Variants in NRBP2 observed in about 807,000 individuals in gnomAD.
NRBP2 encodes nuclear receptor binding protein 2.
NRBP2 carries 47 observed loss-of-function variants against 74.4 expected under a neutral mutation model. That is an observed-to-expected ratio of 0.63 (90% CI 0.50 to 0.81). The LOEUF (loss-of-function observed/expected upper bound fraction) is 0.81. Among genes scored for constraint, NRBP2 ranks in the 30% least tolerant of loss-of-function variants. NRBP2 has a pLI of 0.00. For synonymous variants in NRBP2, 312 were observed against 273.8 expected (o/e 1.14, Z -1.38); for missense variants, 613 against 690.1 (o/e 0.89, Z 1.25).
rs1554651534 is a variant in NRBP2, at chr8:143,835,917, CCCGCCGCCTGGGGTCACCGCCCG to C, written c.1381+27_1382-43del. The C allele has an allele frequency of 6.3e-7, 1 of 1,593,448 alleles. No individual in the cohort carries two copies. The highest frequency in any genetic ancestry group is 8.5e-7 in the Non-Finnish European group (1 of 1,174,550). On this transcript the variant is annotated intron_variant, in intron 16 of 17. Coordinates refer to ENST00000442628, the MANE Select transcript of NRBP2 (RefSeq NM_178564.4). The surrounding 1 kb of genome is among the most constrained non-coding windows in gnomAD (Gnocchi z 4.9). Reference sequence around the variant, plus strand: ...AGGCGAGGCATGAGGCCGCTGCCCACCCGCCGCCTGGGGTCACCGCCCGCCGCCCAAGTCCCCTGCCCAGCCTA... The same window carrying C: ...AGGCGAGGCATGAGGCCGCTGCCCACCCGCCCAAGTCCCCTGCCCAGCCTA...
rs1050967173 is a variant in NRBP2 at position 143,839,134 on chromosome 8, C to T, written c.605-34G>A. ...GGGCGCAGAGCTGAGCGGGCGGGGA[C>T]CTCTCCAGGACCCCGTCCCCCCAAA... On this transcript the variant is annotated intron_variant, in intron 7 of 17. Transcript: ENST00000442628. This position sits in a 1 kb window ranked among gnomAD's most constrained non-coding sequence, Gnocchi z 5.1. 1 of 1,512,354 alleles carries T rather than the reference C, an allele frequency of 6.6e-7. No homozygotes were observed. The highest frequency in any genetic ancestry group is 8.8e-7 in the Non-Finnish European group (1 of 1,132,488). 93.7% of individuals were successfully genotyped at this position (1,512,354 alleles called of 1,614,324 possible). A position where few individuals can be genotyped will look rare whatever the true frequency, so the allele number is the denominator to read the frequency against.
chr8:143,839,391 C>A lies in NRBP2; in HGVS notation c.503G>T (p.Ser168Ile). The change falls in exon 6 of 18, where the codon AGC becomes ATC. Residue 168 changes from serine to isoleucine, a missense_variant. By Grantham distance (142) the Ser-to-Ile change is moderately radical (BLOSUM62 -2). Transcript: ENST00000442628. This position sits in a 1 kb window ranked among gnomAD's most constrained non-coding sequence, Gnocchi z 5.1. ...LSALSFLHAC[S>I]PPIIHGNLTS... ...CAGGTTCCCGTGGATGATTGGGGGG[C>A]TGCAGGCGTGCAGGAAGCTGCAGAC... 1 of 1,581,854 alleles carries A rather than the reference C, an allele frequency of 6.3e-7. No homozygotes were observed. Among genetic ancestry groups the A allele is most frequent in the Non-Finnish European group, 8.5e-7 (1 of 1,171,578 alleles).
chr8:143,840,144 A>G lies in NRBP2; in HGVS notation c.215T>C (p.Leu72Pro). 6.5e-7 allele frequency: 1 copy of G among 1,536,110 alleles called. No individual in the cohort carries two copies. Residue 72 changes from leucine to proline, a missense_variant, in exon 2 of 18, where the codon CTC becomes CCC. Leu to Pro is a moderately conservative substitution (Grantham distance 98). Around this residue, in one of 2 missense-constraint regions of NRBP2, gnomAD observed 332 missense variants for 429.2 expected, o/e 0.77. Transcript: ENST00000442628. The surrounding 1 kb of genome is among the most constrained non-coding windows in gnomAD (Gnocchi z 5.7). ...GAAGGCCTTCCTGTCTCCGAAGTGGAGCTCGTTCCACACCACCTCTACCCC... is the reference window on the plus strand; with the variant it reads ...GAAGGCCTTCCTGTCTCCGAAGTGGGGCTCGTTCCACACCACCTCTACCCC... Reference protein sequence around the residue: ...EEGVEVVWNELHFGDRKAFAA... With the variant: ...EEGVEVVWNEPHFGDRKAFAA...
rs1368730887 is a variant in NRBP2, at chr8:143,839,538, G to A, written c.456C>T (p.Arg152=). ...GCGCAGACAGGATCTGCGTGCACCA[G>A]CGCTTCCAGGCCTGGCGGCGGACGC... The part of the protein sequence containing the change: ...HKAMNARAWK[R]WCTQILSALS... Residue 152 remains arginine (R), a synonymous_variant, in exon 5 of 18, where the codon CGC becomes CGT. Transcript: ENST00000442628. The surrounding 1 kb of genome is among the most constrained non-coding windows in gnomAD (Gnocchi z 5.1). The A allele has an allele frequency of 6.5e-7, 1 of 1,532,070 alleles. No homozygotes were observed. Among genetic ancestry groups the A allele is most frequent in the South Asian group, 1.2e-5 (1 of 83,884 alleles). The allele number at this position is 1,532,070 out of a possible 1,614,324, so 94.9% of individuals were successfully genotyped here.
At chr8:143,838,814 A>T in intron 9 of NRBP2, 39 bp from the exon 10 acceptor site, 1 of 1,611,690 alleles carries the variant, frequency 6.2e-7, no homozygotes, top group Non-Finnish European at 8.5e-7. Flanking sequence ...GGAAGGGACC[A>T]CACAGGTGAG....
chr8:143,837,847 T>G lies in NRBP2; in HGVS notation c.841-92A>C. 6.8e-7 allele frequency: 1 copy of G among 1,478,526 alleles called. No homozygotes were observed. The highest frequency in any genetic ancestry group is 9.2e-7 in the Non-Finnish European group (1 of 1,087,920). 91.6% of individuals were successfully genotyped at this position (1,478,526 alleles called of 1,614,324 possible). A position where few individuals can be genotyped will look rare whatever the true frequency, so the allele number is the denominator to read the frequency against. Reference sequence around the variant, plus strand: ...AGAGGTGGCCCCTGAGTTCCCCATGTCCCTCCTCAGGGACACACAGGACAT... The same window carrying G: ...AGAGGTGGCCCCTGAGTTCCCCATGGCCCTCCTCAGGGACACACAGGACAT... On this transcript the variant is annotated intron_variant, in intron 10 of 17. Transcript: ENST00000442628. The surrounding 1 kb of genome is among the most constrained non-coding windows in gnomAD (Gnocchi z 4.3).
chr8:143,837,493 A>G lies in NRBP2; in HGVS notation c.990T>C (p.Asn330=), dbSNP rs764114245. 12 of 1,610,628 alleles carry G rather than the reference A, an allele frequency of 7.5e-6. No individual in the cohort carries two copies. The highest frequency in any genetic ancestry group is 1.1e-5 in the South Asian group (1 of 90,148). Residue 330 remains asparagine (N), a synonymous_variant, in exon 12 of 18, where the codon AAT becomes AAC. Coordinates refer to ENST00000442628, the MANE Select transcript of NRBP2 (RefSeq NM_178564.4). This position sits in a 1 kb window ranked among gnomAD's most constrained non-coding sequence, Gnocchi z 4.3. ...TGGCCTTGGTCTTCTCCTCCACCAC[A>G]TTCTCAGGCATGAGGTCTGCGGCCA... ...FIQHQYLMPE[N]VVEEKTKAMD...
Position 143,839,536 on chromosome 8 carries a change from C to T in NRBP2, c.458G>A (p.Trp153Ter). The part of the protein sequence containing the change: ...KAMNARAWKR[W>*]CTQILSALSF... ...GAGCGCAGACAGGATCTGCGTGCAC[C>T]AGCGCTTCCAGGCCTGGCGGCGGAC... Residue 153 changes from tryptophan (W) to a stop codon, truncating the protein, a stop_gained, in exon 5 of 18, where the codon TGG becomes TAG. Coordinates refer to ENST00000442628, the MANE Select transcript of NRBP2 (RefSeq NM_178564.4). LOFTEE classifies it high-confidence loss of function. The surrounding 1 kb of genome is among the most constrained non-coding windows in gnomAD (Gnocchi z 5.1). 1 of 1,532,066 alleles carries T rather than the reference C, an allele frequency of 6.5e-7. No individual in the cohort carries two copies. Among genetic ancestry groups the T allele is most frequent in the Non-Finnish European group, 8.7e-7 (1 of 1,145,472 alleles). The allele number at this position is 1,532,066 out of a possible 1,614,324, so 94.9% of individuals were successfully genotyped here.
chr8:143,835,380 A>G lies in NRBP2; in HGVS notation c.*282T>C, dbSNP rs1818314122. 1.9e-6 allele frequency: 1 copy of G among 527,914 alleles called. No homozygotes were observed. Among genetic ancestry groups the G allele is most frequent in the Non-Finnish European group, 3.4e-6 (1 of 295,012 alleles). The allele number at this position is 527,914 out of a possible 1,614,324, so 32.7% of individuals were successfully genotyped here. On this transcript the variant is annotated 3_prime_UTR_variant, in exon 18 of 18. Coordinates refer to ENST00000442628, the MANE Select transcript of NRBP2 (RefSeq NM_178564.4). This position sits in a 1 kb window ranked among gnomAD's most constrained non-coding sequence, Gnocchi z 4.9. ...GTGGCCCCGGCCAGGCAGCCTGGGT[A>G]GGAACTCAGGGCGGAGAATGGAGGA...
Position 143,837,669 on chromosome 8 carries a change from C to T in NRBP2, c.927G>A (p.Val309=), listed in dbSNP as rs1554652306. 1.6e-5 allele frequency: 26 copies of T among 1,592,526 alleles called. No homozygotes were observed. The highest frequency in any genetic ancestry group is 2.2e-5 in the Non-Finnish European group (26 of 1,169,748). The change falls in exon 11 of 18, where the codon GTG becomes GTA. Residue 309 remains valine, a synonymous_variant. Transcript: ENST00000442628. The surrounding 1 kb of genome is among the most constrained non-coding windows in gnomAD (Gnocchi z 4.3). ...SLLFHRVLFE[V]HSLKLLAAHC... is the part of the protein sequence containing the mutation. ...GGGCTGCCAGGAGCTTCAGCGAGTG[C>T]ACCTCGAAGAGCACGCGGTGGAAGA...
chr8:143,840,295 C>A lies in NRBP2; in HGVS notation c.130-66G>T. On this transcript the variant is annotated intron_variant, in intron 1 of 17. Coordinates refer to ENST00000442628, the MANE Select transcript of NRBP2 (RefSeq NM_178564.4). The surrounding 1 kb of genome is among the most constrained non-coding windows in gnomAD (Gnocchi z 5.7). ...CAGGGTTGTGGGTGAGGATTTGGTC[C>A]CTGTCCACACCTTTCCAGTGGGCCC... is the stretch of plus-strand genomic sequence containing the variant. 1 of 1,519,090 alleles carries A rather than the reference C, an allele frequency of 6.6e-7. No homozygotes were observed. Among genetic ancestry groups the A allele is most frequent in the Non-Finnish European group, 8.8e-7 (1 of 1,136,070 alleles). The allele number at this position is 1,519,090 out of a possible 1,614,324, so 94.1% of individuals were successfully genotyped here. A position where few individuals can be genotyped will look rare whatever the true frequency, so the allele number is the denominator to read the frequency against.
rs782626919 is a variant in NRBP2, at chr8:143,839,509, C to T, written c.485G>A (p.Ser162Asn). The T allele has an allele frequency of 6.5e-7, 1 of 1,533,226 alleles. No homozygotes were observed. Among genetic ancestry groups the T allele is most frequent in the Admixed American group, 2.0e-5 (1 of 50,924 alleles). 95.0% of individuals were successfully genotyped at this position (1,533,226 alleles called of 1,614,324 possible). A position where few individuals can be genotyped will look rare whatever the true frequency, so the allele number is the denominator to read the frequency against. The stretch of plus-strand genomic sequence containing the variant: ...CGCCCAGGCCAGCCCAGGCCCTCAC[C>T]TGAGCGCAGACAGGATCTGCGTGCA... ...RWCTQILSAL[S>N]FLHACSPPII... is the part of the protein sequence containing the mutation. The change falls in exon 5 of 18, where the codon AGC (serine) becomes AAC (asparagine). Residue 162 changes from serine (S) to asparagine (N), a missense_variant and splice_region_variant. Transcript: ENST00000442628. The surrounding 1 kb of genome is among the most constrained non-coding windows in gnomAD (Gnocchi z 5.1).
At position 143,840,547 on chromosome 8, in the gene NRBP2, C is replaced by A. The variant is rs1033803257; in HGVS notation, c.129+159G>T. The A allele has an allele frequency of 3.9e-6, 3 of 777,426 alleles. No homozygotes were observed. Among genetic ancestry groups the A allele is most frequent in the Middle Eastern group, 3.9e-4 (1 of 2,576 alleles). 48.2% of individuals were successfully genotyped at this position (777,426 alleles called of 1,614,324 possible). On this transcript the variant is annotated intron_variant, in intron 1 of 17. Transcript: ENST00000442628. The surrounding 1 kb of genome is among the most constrained non-coding windows in gnomAD (Gnocchi z 5.7). ...AGGGAGTCCCAGGGCGAGCGCCAGG[C>A]CAAAGGGGTCCAGGGGTGGCTGATT...
downstream of NRBP2, among the ~76,000 whole-genome samples, chr8:143,831,896 C>T (rs1818177176): frequency 6.6e-6 from 1 of 152,186 alleles, no homozygotes; most frequent in South Asian, 2.1e-4. Context: ...TGACACAATA[C>T]CCTTGAAATC....
Position 143,837,169 on chromosome 8 carries a change from C to G in NRBP2, c.1133G>C (p.Gly378Ala), listed in dbSNP as rs1196919099. 8 of 1,613,146 alleles carry G rather than the reference C, an allele frequency of 5.0e-6. No individual in the cohort carries two copies. The highest frequency in any genetic ancestry group is 6.8e-6 in the Non-Finnish European group (8 of 1,179,482). The change falls in exon 14 of 18, where the codon GGA (glycine) becomes GCA (alanine). Residue 378 changes from glycine to alanine, a missense_variant. By Grantham distance (60) the Gly-to-Ala change is moderately conservative. Around this residue, in one of 2 missense-constraint regions of NRBP2, gnomAD observed 281 missense variants for 260.9 expected, o/e 1.08. Transcript: ENST00000442628. This position sits in a 1 kb window ranked among gnomAD's most constrained non-coding sequence, Gnocchi z 4.3. The part of the protein sequence containing the change: ...LDKFLEDVRN[G>A]IYPLMNFAAT... The stretch of plus-strand genomic sequence containing the variant: ...TGCAAAGTTCATCAGTGGGTAGATT[C>G]CATTCCTGGGGACACAACAGGGTGG...
At position 143,835,307 on chromosome 8, in the gene NRBP2, C is replaced by T. The variant is rs1818311408; in HGVS notation, c.*355G>A. The T allele has an allele frequency of 5.2e-6, 2 of 384,936 alleles. No individual in the cohort carries two copies. The highest frequency in any genetic ancestry group is 2.4e-5 in the South Asian group (1 of 42,274). 23.8% of individuals were successfully genotyped at this position (384,936 alleles called of 1,614,324 possible). Reference sequence around the variant, plus strand: ...AGGGCTGACCCTCACCCCCAAGCCCCAGAGCTGGGGTTCCCTACAGGGCAG... The same window carrying T: ...AGGGCTGACCCTCACCCCCAAGCCCTAGAGCTGGGGTTCCCTACAGGGCAG... On this transcript the variant is annotated 3_prime_UTR_variant, in exon 18 of 18. Transcript: ENST00000442628. The surrounding 1 kb of genome is among the most constrained non-coding windows in gnomAD (Gnocchi z 4.9).
At chr8:143,832,533 G>A (rs1465054065), downstream of NRBP2, among the ~76,000 whole-genome samples, 2 of 152,264 alleles carry the variant, frequency 1.3e-5, no homozygotes, top group Admixed American at 6.5e-5. Context: ...AAACCTGATT[G>A]CATGCTCCAT....
Position 143,839,066 on chromosome 8 carries a change from A to G in NRBP2, c.639T>C (p.Ala213=), listed in dbSNP as rs1818566006. The G allele has an allele frequency of 2.0e-6, 3 of 1,533,982 alleles. No individual in the cohort carries two copies. Among genetic ancestry groups the G allele is most frequent in the Non-Finnish European group, 2.6e-6 (3 of 1,143,576 alleles). Residue 213 remains alanine (A), a synonymous_variant, in exon 8 of 18, where the codon GCT becomes GCC. Coordinates refer to ENST00000442628, the MANE Select transcript of NRBP2 (RefSeq NM_178564.4). This position sits in a 1 kb window ranked among gnomAD's most constrained non-coding sequence, Gnocchi z 5.1. Reference sequence around the variant, plus strand: ...GCAGGTTCCGAAGTTCCTCTCGCTCAGCGCGGATGGGGCTTCGGAGATCAT... The same window carrying G: ...GCAGGTTCCGAAGTTCCTCTCGCTCGGCGCGGATGGGGCTTCGGAGATCAT... ...LPDDLRSPIR[A]EREELRNLHF...
At position 143,837,237 on chromosome 8, in the gene NRBP2, A is replaced by C; in HGVS notation, c.1127+12T>G. 1.2e-6 allele frequency: 2 copies of C among 1,613,824 alleles called. No individual in the cohort carries two copies. Among genetic ancestry groups the C allele is most frequent in the African/African-American group, 1.3e-5 (1 of 74,978 alleles). ...ACAGCTGCCTGGCCCCCAACCTTAC[A>C]TCAGTTCTCACCTGACATCCTCCAG... is the stretch of plus-strand genomic sequence containing the variant. On this transcript the variant is annotated intron_variant, in intron 13 of 17. Transcript: ENST00000442628. This position sits in a 1 kb window ranked among gnomAD's most constrained non-coding sequence, Gnocchi z 4.3.
Sources: gnomAD v4.1 joint callset for allele counts (sites outside exome capture counted in the v4.1 genomes callset) on GRCh38, gnomAD v4.1.1 for gene constraint, gnomAD v4.1.1 regional missense constraint, Gnocchi (gnomAD v3.1) non-coding constraint, MANE v1.5 for transcripts, NCBI Gene and HGNC (gene_info 2026-07-23, HGNC 2026-07-21) for gene names.